Variants in GRIP1 observed in about 807,000 individuals in gnomAD.
GRIP1 encodes glutamate receptor interacting protein 1.
In GRIP1, 45 loss-of-function variants were observed where a neutral mutation model predicts 129.9. The observed-to-expected ratio is 0.35, with a 90% CI of 0.27 to 0.44. The LOEUF (loss-of-function observed/expected upper bound fraction) is 0.44. Among genes scored for constraint, GRIP1 ranks in the 20% least tolerant of loss-of-function variants. The probability of loss-of-function intolerance (pLI) is 1.00; values close to 1 mark genes in which losing one functional copy is unlikely to be tolerated. For missense variants in GRIP1, 1,196 were observed against 1,396.8 expected, an observed-to-expected ratio of 0.86 and a Z score of 2.29; for synonymous variants, 530 against 520.8, an observed-to-expected ratio of 1.02 and a Z score of -0.24.
intron 14 of GRIP1, among the ~76,000 whole-genome samples, 173 bp downstream of exon 14, chr12:66,432,375 G>A (rs989331248): frequency 6.6e-6 from 1 of 152,096 alleles, no homozygotes; most frequent in Non-Finnish European, 1.5e-5. Context: ...TGAGTAACTT[G>A]TCTCATTCAT....
intron 22 of GRIP1, among the ~76,000 whole-genome samples, chr12:66,373,075 A>C (rs150066503): frequency 6.1e-4 from 92 of 151,950 alleles, no homozygotes; most frequent in African/African-American, 2.0e-3. Flanking sequence ...TACTTCTCTC[A>C]ATTTATTTAT....
intron 7 of GRIP1, among the ~76,000 whole-genome samples, chr12:66,491,330 G>A (rs901796922): frequency 6.6e-6 from 1 of 152,154 alleles, no homozygotes; most frequent in East Asian, 1.9e-4. Context: ...GTTGGAGTTG[G>A]AAGCCATTAT....
chr12:66,738,379 C>G (rs1027783180), intron 1 of GRIP1, among the ~76,000 whole-genome samples: 1 of 151,804 alleles, frequency 6.6e-6, no homozygotes, highest in Non-Finnish European at 1.5e-5. Context: ...GCCACCACGC[C>G]CGACTAATTT....
At chr12:66,714,431 ATG>A (rs1422857760) in intron 1 of GRIP1, among the ~76,000 whole-genome samples, 3 of 152,058 alleles carry the variant, frequency 2.0e-5, no homozygotes, top group African/African-American at 4.8e-5. Flanking sequence ...GTTGCCAGAT[ATG>A]TCTTTTAAGT....
At chr12:66,666,340 T>C (rs2033795336) in intron 1 of GRIP1, among the ~76,000 whole-genome samples, 1 of 152,204 alleles carries the variant, frequency 6.6e-6, no homozygotes, top group African/African-American at 2.4e-5. Flanking sequence ...CAAGTTCATC[T>C]GCCAAAAATT....
chr12:66,442,709 A>AT (rs111924617), intron 13 of GRIP1, among the ~76,000 whole-genome samples: 8,996 of 149,660 alleles, frequency 0.06, 690 homozygotes, highest in East Asian at 0.19. Flanking sequence ...TTTAAAAAAA[A>AT]TTTTTTTTTT....
chr12:66,970,197 T>A (rs937996121), intron 1 of GRIP1, among the ~76,000 whole-genome samples: 1 of 152,142 alleles, frequency 6.6e-6, no homozygotes, highest in African/African-American at 2.4e-5. Context: ...TCCTCCCACC[T>A]CAGCCTCCTA....
intron 7 of GRIP1, among the ~76,000 whole-genome samples, chr12:66,484,153 C>T (rs532537157): frequency 6.6e-6 from 1 of 152,178 alleles, no homozygotes; most frequent in South Asian, 2.1e-4. Context: ...GCCACTGCGC[C>T]CGGCCCATTA....
chr12:66,578,711 G>A (rs553547932), intron 2 of GRIP1, among the ~76,000 whole-genome samples: 2 of 152,308 alleles, frequency 1.3e-5, no homozygotes, highest in South Asian at 2.1e-4. Flanking sequence ...GGGGAGGGGC[G>A]CCCACGATTG....
chr12:66,718,137 G>A (rs1004883203), intron 1 of GRIP1, among the ~76,000 whole-genome samples: 1 of 152,064 alleles, frequency 6.6e-6, no homozygotes, highest in African/African-American at 2.4e-5. Context: ...TCCACACAAT[G>A]GCTGGTCACT....
chr12:66,582,704 A>G (rs1246774397), intron 2 of GRIP1, among the ~76,000 whole-genome samples: 1,774 of 144,252 alleles, frequency 0.012, 46 homozygotes, highest in African/African-American at 0.044. Flanking sequence ...TACAAGGGAC[A>G]TGAAGGACCT....
intron 1 of GRIP1, among the ~76,000 whole-genome samples, chr12:66,893,335 G>C (rs2040693599): frequency 6.6e-6 from 1 of 152,054 alleles, no homozygotes; most frequent in South Asian, 2.1e-4. Flanking sequence ...AGCCTCCCAG[G>C]CTCAAGAGAT....
chr12:66,970,019 C>T (rs1258638570), intron 1 of GRIP1, among the ~76,000 whole-genome samples: 3 of 152,128 alleles, frequency 2.0e-5, no homozygotes, highest in Admixed American at 1.3e-4. Context: ...CCAAAATCTG[C>T]GTCACATCTG....
intron 2 of GRIP1, among the ~76,000 whole-genome samples, chr12:66,584,766 G>GT (rs2063548987): frequency 6.6e-6 from 1 of 152,050 alleles, no homozygotes; most frequent in Non-Finnish European, 1.5e-5. Context: ...GCACTGCAGG[G>GT]TAATACTCTG....
intron 1 of GRIP1, among the ~76,000 whole-genome samples, chr12:66,632,477 T>A (rs902263189): frequency 7.9e-5 from 12 of 152,156 alleles, no homozygotes; most frequent in African/African-American, 2.9e-4. Context: ...TGCCAATGTT[T>A]CCTTCTGCCA....
At chr12:66,929,961 A>C (rs920130009) in intron 1 of GRIP1, among the ~76,000 whole-genome samples, 1 of 151,570 alleles carries the variant, frequency 6.6e-6, no homozygotes, top group Non-Finnish European at 1.5e-5. Flanking sequence ...CTCCAATGTA[A>C]ATTTTAATTC....
At chr12:67,043,465 C>T (rs2043208370) in intron 1 of GRIP1, among the ~76,000 whole-genome samples, 1 of 152,122 alleles carries the variant, frequency 6.6e-6, no homozygotes, top group Non-Finnish European at 1.5e-5. Flanking sequence ...ATCAGCTCCT[C>T]CTAAAGATAC....
intron 1 of GRIP1, among the ~76,000 whole-genome samples, chr12:66,957,833 T>G (rs1417940143): frequency 6.6e-6 from 1 of 152,186 alleles, no homozygotes; most frequent in African/African-American, 2.4e-5. Context: ...ACTCTACTCT[T>G]TGGAAGGAAG....
intron 1 of GRIP1, among the ~76,000 whole-genome samples, chr12:67,016,957 T>C (rs972946171): frequency 6.6e-6 from 1 of 152,178 alleles, no homozygotes; most frequent in African/African-American, 2.4e-5. Flanking sequence ...TTCAATTCTA[T>C]AAGACATTTT....
Sources: gnomAD v4.1 joint callset for allele counts (sites outside exome capture counted in the v4.1 genomes callset) on GRCh38, gnomAD v4.1.1 for gene constraint, MANE v1.5 for transcripts, NCBI Gene and HGNC (gene_info 2026-07-23, HGNC 2026-07-21) for gene names.